The following STARD3 variants were observed in gnomAD, a reference collection of about 807,000 sequenced individuals.
The protein encoded by STARD3 is stAR-related lipid transfer protein 3.
STARD3 carries 39 observed loss-of-function variants against 62.0 expected under a neutral mutation model. The observed-to-expected ratio is 0.63, with a 90% CI of 0.49 to 0.82. The LOEUF (loss-of-function observed/expected upper bound fraction) is 0.82, where lower values mean the gene tolerates loss of function less well. STARD3 is among the 40% of genes least tolerant of loss of function. The pLI is 0.00. For missense variants in STARD3, 543 were observed against 584.5 expected, an observed-to-expected ratio of 0.93 and a Z score of 0.73; for synonymous variants, 229 against 242.4, an observed-to-expected ratio of 0.94 and a Z score of 0.51.
chr17:39,656,845 T>G (rs1289079706), intron 2 of STARD3, 163 bp from the exon 3 acceptor site: 2 of 635,082 alleles, frequency 3.1e-6, no homozygotes, highest in African/African-American at 1.8e-5. Context: ...GGCCGTGGGC[T>G]GAGATCCCTT....
chr17:39,653,623 G>T lies in STARD3; in HGVS notation c.92G>T (p.Ser31Ile). Reference protein sequence around the residue: ...SLGSSLSHSQSLSSHLLPPPE... With the variant: ...SLGSSLSHSQILSSHLLPPPE... Reference sequence around the variant, plus strand: ...GGCTCCTCACTGTCCCACAGCCAGAGCCTCTCCTCGCACCTCCTTCCGCCG... The same window carrying T: ...GGCTCCTCACTGTCCCACAGCCAGATCCTCTCCTCGCACCTCCTTCCGCCG... The change falls in exon 2 of 15, where the codon AGC becomes ATC. Residue 31 changes from serine to isoleucine, a missense_variant. Transcript: ENST00000336308. 1.2e-6 allele frequency: 2 copies of T among 1,613,548 alleles called. No individual in the cohort carries two copies.
At chr17:39,659,422 C>A in intron 8 of STARD3, 39 bp from the exon 9 acceptor site, 1 of 1,585,718 alleles carries the variant, frequency 6.3e-7, no homozygotes, top group Non-Finnish European at 8.7e-7. Flanking sequence ...GGACTGCAGG[C>A]CCCAGGCTGA....
At chr17:39,652,205 C>T (rs1045936741) in intron 1 of STARD3, among the ~76,000 whole-genome samples, 1 of 152,146 alleles carries the variant, frequency 6.6e-6, no homozygotes, top group Admixed American at 6.5e-5. Context: ...GTGGCTGCTT[C>T]CTACTCTCTT....
chr17:39,638,625 G>A (rs887970484), intron 1 of STARD3, among the ~76,000 whole-genome samples: 1 of 152,176 alleles, frequency 6.6e-6, no homozygotes, highest in Non-Finnish European at 1.5e-5. Flanking sequence ...TCTGTGTCCT[G>A]TAGCACCCTG....
chr17:39,639,124 A>C (rs2056961333), intron 1 of STARD3, among the ~76,000 whole-genome samples: 2 of 152,220 alleles, frequency 1.3e-5, no homozygotes, highest in Non-Finnish European at 2.9e-5. Context: ...TAAATAAATA[A>C]AAAGTTATTA....
At chr17:39,655,913 C>T (rs979093900) in intron 2 of STARD3, among the ~76,000 whole-genome samples, 1 of 151,052 alleles carries the variant, frequency 6.6e-6, no homozygotes, top group Non-Finnish European at 1.5e-5. Flanking sequence ...GGAAGGAGGA[C>T]AGAGCTCTGA....
rs758540317 is a variant in STARD3 at position 39,661,089 on chromosome 17, A to G, written c.1139+4A>G. 3.4e-5 allele frequency: 55 copies of G among 1,613,056 alleles called. No individual in the cohort carries two copies. Among genetic ancestry groups the G allele is most frequent in the Admixed American group, 1.2e-4 (7 of 59,982 alleles). On this transcript the variant is annotated splice_donor_region_variant and intron_variant, in intron 13 of 14. Transcript: ENST00000336308. The stretch of plus-strand genomic sequence containing the variant: ...CCCCGACGCACAAATATGTCCGGTG[A>G]GCCTCACTTTGCCTGGGGTCACCCC...
At chr17:39,661,518 G>A (rs2057198095) in intron 13 of STARD3, among the ~76,000 whole-genome samples, 1 of 152,178 alleles carries the variant, frequency 6.6e-6, no homozygotes, top group South Asian at 2.1e-4. Flanking sequence ...CTCTGGAGTG[G>A]CTCAGGAGTT....
At chr17:39,661,702 G>T (rs2057200516) in intron 13 of STARD3, among the ~76,000 whole-genome samples, 1 of 152,196 alleles carries the variant, frequency 6.6e-6, no homozygotes. Flanking sequence ...AGGATGCCAG[G>T]CTCTGCTTTG....
At chr17:39,654,144 T>G (rs143382018) in intron 2 of STARD3, among the ~76,000 whole-genome samples, 17 of 149,944 alleles carry the variant, frequency 1.1e-4, no homozygotes, top group Non-Finnish European at 2.5e-4. Flanking sequence ...TGGCTCCAGT[T>G]GGTTCATTCA....
rs1294899371 is a variant in STARD3, at chr17:39,658,825, G to A, written c.646+5G>A. On this transcript the variant is annotated splice_donor_5th_base_variant and intron_variant, in intron 7 of 14. Coordinates refer to ENST00000336308, the MANE Select transcript of STARD3 (RefSeq NM_006804.4). ...CACCCCCAGAATCCTTTGCAGGTGA[G>A]GGCTGGTGTGTGGGGGAACTGCTTT... 2 of 1,613,688 alleles carry A rather than the reference G, an allele frequency of 1.2e-6. No homozygotes were observed. Among genetic ancestry groups the A allele is most frequent in the African/African-American group, 2.7e-5 (2 of 74,902 alleles).
intron 13 of STARD3, chr17:39,661,311 G>C: frequency 1.7e-6 from 1 of 572,786 alleles, no homozygotes; most frequent in South Asian, 2.0e-5. Context: ...ACCAAGGCTG[G>C]ACGGGATGTG....
Position 39,659,110 on chromosome 17 carries a change from T to G in STARD3, c.702+4T>G. The G allele has an allele frequency of 1.2e-6, 2 of 1,614,184 alleles. No individual in the cohort carries two copies. The highest frequency in any genetic ancestry group is 1.7e-6 in the Non-Finnish European group (2 of 1,180,022). On this transcript the variant is annotated splice_donor_region_variant and intron_variant, in intron 8 of 14. Coordinates refer to ENST00000336308, the MANE Select transcript of STARD3 (RefSeq NM_006804.4). ...GAAGAAAAGTTTCTCTGCTCAGGTATTTGCCTGCCTACCCCTAACCCCTGC... is the reference window on the plus strand; with the variant it reads ...GAAGAAAAGTTTCTCTGCTCAGGTAGTTGCCTGCCTACCCCTAACCCCTGC...
intron 1 of STARD3, among the ~76,000 whole-genome samples, chr17:39,644,727 G>A (rs1033822189): frequency 3.3e-5 from 5 of 151,758 alleles, no homozygotes; most frequent in Admixed American, 2.6e-4. Flanking sequence ...TGGCATGGTG[G>A]CATCTGCCTG....
In STARD3 at chr17:39,658,732, C is replaced by T. The variant is rs377600546; in HGVS notation, c.558C>T (p.Ala186=). ...QEAEEERWYL[A]AQVAVARGPL... is the part of the protein sequence containing the mutation. ...AGTCTGCTCCTCCAGGGTATCTTGCCGCCCAGGTTGCTGTTGCCCGTGGAC... is the reference window on the plus strand; with the variant it reads ...AGTCTGCTCCTCCAGGGTATCTTGCTGCCCAGGTTGCTGTTGCCCGTGGAC... The change falls in exon 7 of 15, where the codon GCC becomes GCT. Residue 186 remains alanine, a synonymous_variant. Coordinates refer to ENST00000336308, the MANE Select transcript of STARD3 (RefSeq NM_006804.4). 3.9e-5 allele frequency: 63 copies of T among 1,613,822 alleles called. No homozygotes were observed. Among genetic ancestry groups the T allele is most frequent in the Middle Eastern group, 3.3e-4 (2 of 6,084 alleles).
At chr17:39,649,336 C>T (rs761730036) in intron 1 of STARD3, among the ~76,000 whole-genome samples, 1 of 152,158 alleles carries the variant, frequency 6.6e-6, no homozygotes, top group African/African-American at 2.4e-5. Flanking sequence ...TATATATATG[C>T]GCTCAAGGTT....
Position 39,657,791 on chromosome 17 carries a change from G to C in STARD3, c.314G>C (p.Arg105Pro). Residue 105 changes from arginine to proline, a missense_variant, in exon 4 of 15, where the codon CGC becomes CCC. Physicochemically the swap from Arg to Pro is moderately radical, Grantham distance 103 (BLOSUM62 -2). Coordinates refer to ENST00000336308, the MANE Select transcript of STARD3 (RefSeq NM_006804.4). ...FFDIFVLAFF[R>P]FSGLLLGYAV... ...CCCCACCAGGTCCTGGCCTTCTTCC[G>C]CTTCTCTGGACTGCTCCTAGGCTAT... 6.2e-7 allele frequency: 1 copy of C among 1,614,182 alleles called. No homozygotes were observed. The highest frequency in any genetic ancestry group is 8.5e-7 in the Non-Finnish European group (1 of 1,180,006).
chr17:39,659,878 C>G (rs1343823644), intron 9 of STARD3: 1 of 509,164 alleles, frequency 2.0e-6, no homozygotes, highest in Non-Finnish European at 3.5e-6. Context: ...CTACAAAGAT[C>G]GTAGAGAGCT....
intron 1 of STARD3, among the ~76,000 whole-genome samples, chr17:39,643,053 T>A (rs117733102): frequency 5.9e-5 from 9 of 152,182 alleles, no homozygotes; most frequent in Non-Finnish European, 8.8e-5. Flanking sequence ...TTTAACAGGA[T>A]CCCTGTGGCT....
Sources: gnomAD v4.1 joint callset for allele counts (sites outside exome capture counted in the v4.1 genomes callset) on GRCh38, gnomAD v4.1.1 for gene constraint, MANE v1.5 for transcripts, NCBI Gene and HGNC (gene_info 2026-07-23, HGNC 2026-07-21) for gene names.